The following CRYBG1 variants were observed in gnomAD, a reference collection of about 807,000 sequenced individuals.
CRYBG1 encodes the protein crystallin beta-gamma domain containing 1, also known as beta/gamma crystallin domain-containing protein 1.
Under a neutral mutation model 189.2 loss-of-function variants are expected in CRYBG1, and 139 were observed. That is an observed-to-expected ratio of 0.73 (90% confidence interval 0.64 to 0.85). The LOEUF (loss-of-function observed/expected upper bound fraction) is 0.85, where lower values mean the gene tolerates loss of function less well. Among genes scored for constraint, CRYBG1 ranks in the 40% least tolerant of loss-of-function variants. The pLI is 0.00. For missense variants in CRYBG1, 2,611 were observed against 2,675.8 expected, an observed-to-expected ratio of 0.98 and a Z score of 0.53; for synonymous variants, 1,023 against 1,017.1, an observed-to-expected ratio of 1.01 and a Z score of -0.11.
At chr6:106,554,440 C>G (rs1389548621) in intron 16 of CRYBG1, among the ~76,000 whole-genome samples, 2 of 152,214 alleles carry the variant, frequency 1.3e-5, no homozygotes, top group Middle Eastern at 3.4e-3. Context: ...ATGGCAAAAC[C>G]CTGTCTTTAC....
chr6:106,563,383 G>A (rs569825386), intron 20 of CRYBG1, among the ~76,000 whole-genome samples: 1 of 152,224 alleles, frequency 6.6e-6, no homozygotes, highest in South Asian at 2.1e-4. Flanking sequence ...TGGAAGGTCA[G>A]GCCAAGCAGA....
At chr6:106,361,974 T>TTC (rs1562285541) in intron 1 of CRYBG1, among the ~76,000 whole-genome samples, 6 of 128,130 alleles carry the variant, frequency 4.7e-5, no homozygotes, top group African/African-American at 2.0e-4. Flanking sequence ...TCTTTCTTTT[T>TTC]TTTTTTTTTT....
intron 1 of CRYBG1, among the ~76,000 whole-genome samples, chr6:106,382,269 CTT>C (rs1413197490): frequency 6.6e-6 from 1 of 152,172 alleles, no homozygotes; most frequent in East Asian, 1.9e-4. Context: ...TCCATGAGGA[CTT>C]TGTTGATGCA....
At chr6:106,496,832 C>T (rs889220145) in intron 2 of CRYBG1, among the ~76,000 whole-genome samples, 1 of 152,176 alleles carries the variant, frequency 6.6e-6, no homozygotes, top group Non-Finnish European at 1.5e-5. Flanking sequence ...AGTGAGACGA[C>T]ATTTTAATTT....
At chr6:106,369,540 A>G (rs139307207) in intron 1 of CRYBG1, among the ~76,000 whole-genome samples, 11 of 152,296 alleles carry the variant, frequency 7.2e-5, no homozygotes, top group African/African-American at 2.4e-4. Flanking sequence ...ATTTTTTTCA[A>G]ATTTGTTTAT....
At chr6:106,462,793 C>T (rs751181396) in intron 2 of CRYBG1, among the ~76,000 whole-genome samples, 7 of 152,176 alleles carry the variant, frequency 4.6e-5, no homozygotes, top group Non-Finnish European at 1.0e-4. Flanking sequence ...GTGATGTTGT[C>T]TTAAGATTGA....
rs117194240 is a variant in CRYBG1 at position 106,450,834 on chromosome 6, A to T, written c.174-860A>T. ...CATTTCTTCAGCAGACGCCTCTCAC[A>T]TCCCATTGGTCAGGACTGGGCCAGA... On this transcript the variant is annotated intron_variant, in intron 1 of 21. Transcript: ENST00000633556. Among the ~76,000 whole-genome samples, 11 of 152,268 alleles carry T rather than the reference A, an allele frequency of 7.2e-5. 1 individual carries two copies. In the East Asian group the frequency reaches 2.1e-3, roughly 29 times the overall value.
At chr6:106,361,975 T>TCTTTCTTTCTTTCTTTCTTCCTTCCTTTC (rs373178193) in intron 1 of CRYBG1, among the ~76,000 whole-genome samples, 1 of 129,930 alleles carries the variant, frequency 7.7e-6, no homozygotes, top group African/African-American at 3.0e-5. Context: ...CTTTCTTTTT[T>TCTTTCTTTCTTTCTTTCTTCCTTCCTTTC]TTTTTTTTTT....
intron 1 of CRYBG1, among the ~76,000 whole-genome samples, chr6:106,399,330 TATC>T (rs1216530435): frequency 2.2e-4 from 33 of 152,220 alleles, no homozygotes; most frequent in Non-Finnish European, 5.9e-5. Context: ...TCATATAAGT[TATC>T]ATTTATCTCA....
intron 3 of CRYBG1, among the ~76,000 whole-genome samples, chr6:106,518,122 A>G (rs1582812406): frequency 6.6e-6 from 1 of 152,236 alleles, no homozygotes; most frequent in Non-Finnish European, 1.5e-5. Context: ...AAAAAGCAAG[A>G]TATCAAATTA....
intron 2 of CRYBG1, among the ~76,000 whole-genome samples, chr6:106,501,175 A>T (rs538743638): frequency 6.6e-6 from 1 of 152,342 alleles, no homozygotes; most frequent in South Asian, 2.1e-4. Flanking sequence ...ATATATATGC[A>T]ATATGGTTCA....
At chr6:106,431,152 A>G (rs953299343) in intron 1 of CRYBG1, among the ~76,000 whole-genome samples, 1 of 152,070 alleles carries the variant, frequency 6.6e-6, no homozygotes, top group Admixed American at 6.6e-5. Context: ...TTGAGCCACC[A>G]CACCCGGCGT....
In CRYBG1 at chr6:106,519,958, G is replaced by A. The variant is rs61734885; in HGVS notation, c.2750G>A (p.Arg917His). 5,532 of 1,614,092 alleles carry A rather than the reference G, an allele frequency of 3.4e-3. 160 individuals carry two copies. The African/African-American group carries it at 0.064, about 19-fold the overall frequency. ...AAAGGATGTGTTTTGCCTGTGTCTC[G>A]TCAGAACAATGAGAAAATGCCACTT... ...NHKGCVLPVSRQNNEKMPLLE... is the reference protein window; with the variant it reads ...NHKGCVLPVSHQNNEKMPLLE... The change falls in exon 4 of 22, where the codon CGT becomes CAT. Residue 917 changes from arginine to histidine, a missense_variant. This residue lies in a region of CRYBG1 where 1,622 missense variants were observed against 1,735.0 expected (regional missense o/e 0.93). Transcript: ENST00000633556.
At chr6:106,473,289 A>C (rs1772274156) in intron 2 of CRYBG1, among the ~76,000 whole-genome samples, 1 of 152,098 alleles carries the variant, frequency 6.6e-6, no homozygotes, top group Non-Finnish European at 1.5e-5. Context: ...ACAGCTACCA[A>C]CTTCTGGGCA....
chr6:106,521,477 TATTTGGG>T, intron 4 of CRYBG1, 24 bp downstream of exon 4: 1 of 1,530,560 alleles, frequency 6.5e-7, no homozygotes, highest in Non-Finnish European at 8.8e-7. Context: ...TGTTATTATT[TATTTGGG>T]GTATTTTTAA....
chr6:106,540,411 A>G (rs783393), intron 9 of CRYBG1, among the ~76,000 whole-genome samples: 95,516 of 152,110 alleles, frequency 0.63, 30,244 homozygotes, highest in East Asian at 0.89. Context: ...AATTTTACCC[A>G]TCCTTCCAAA....
At chr6:106,489,654 AC>A (rs1474385125) in intron 2 of CRYBG1, among the ~76,000 whole-genome samples, 1 of 140,100 alleles carries the variant, frequency 7.1e-6, no homozygotes, top group Non-Finnish European at 1.6e-5. Flanking sequence ...CCCTGTCTCT[AC>A]TAAAAATACA....
intron 8 of CRYBG1, among the ~76,000 whole-genome samples, chr6:106,538,293 A>G (rs1774050728): frequency 6.6e-6 from 1 of 152,208 alleles, no homozygotes; most frequent in Non-Finnish European, 1.5e-5. Context: ...CAGGGCTAGT[A>G]GGCATGGTTT....
intron 1 of CRYBG1, among the ~76,000 whole-genome samples, chr6:106,401,431 G>A (rs1770718186): frequency 1.6e-5 from 2 of 128,796 alleles, no homozygotes; most frequent in Non-Finnish European, 3.2e-5. Context: ...TATACTCTAA[G>A]TTTTAGGGTA....
Sources: gnomAD v4.1 joint callset for allele counts (sites outside exome capture counted in the v4.1 genomes callset) on GRCh38, gnomAD v4.1.1 for gene constraint, gnomAD v4.1.1 regional missense constraint, MANE v1.5 for transcripts, NCBI Gene and HGNC (gene_info 2026-07-23, HGNC 2026-07-21) for gene names.